The following MBNL1 variants were observed in gnomAD, a reference collection of about 807,000 sequenced individuals.
MBNL1 encodes muscleblind-like protein 1.
Under a neutral mutation model 42.2 loss-of-function variants are expected in MBNL1, and 8 were observed. That is an observed-to-expected ratio of 0.19 (90% CI 0.11 to 0.34). MBNL1 has a LOEUF of 0.34. Among genes scored for constraint, MBNL1 ranks in the 10% least tolerant of loss-of-function variants. The pLI, the probability that MBNL1 is intolerant of heterozygous loss-of-function variation, is 1.00. For missense variants in MBNL1, 309 were observed against 495.3 expected (o/e 0.62, Z 3.57); for synonymous variants, 169 against 173.9 (o/e 0.97, Z 0.22).
chr3:152,279,068 CTT>C (rs1374632993), intron 1 of MBNL1, among the ~76,000 whole-genome samples: 1 of 152,032 alleles, frequency 6.6e-6, no homozygotes, highest in Non-Finnish European at 1.5e-5. Flanking sequence ...ATTAAGCACT[CTT>C]TTCGGAATAT....
intron 2 of MBNL1, among the ~76,000 whole-genome samples, chr3:152,368,047 A>G (rs1023798545): frequency 1.3e-5 from 2 of 151,104 alleles, no homozygotes; most frequent in African/African-American, 2.4e-5. Flanking sequence ...ACAATTGTCA[A>G]TTTTGGCTTT....
At chr3:152,278,358 G>A (rs982279093) in intron 1 of MBNL1, among the ~76,000 whole-genome samples, 1 of 152,064 alleles carries the variant, frequency 6.6e-6, no homozygotes, top group Non-Finnish European at 1.5e-5. Context: ...AGTGAACGAC[G>A]GAGGATACAA....
At chr3:152,376,932 C>T (rs545997445) in intron 2 of MBNL1, among the ~76,000 whole-genome samples, 30 of 152,304 alleles carry the variant, frequency 2.0e-4, no homozygotes, top group Non-Finnish European at 4.3e-4. Flanking sequence ...CTCACTTCCT[C>T]TTTTCCCTTT....
At chr3:152,327,391 C>T (rs1012950276) in intron 2 of MBNL1, among the ~76,000 whole-genome samples, 2 of 151,928 alleles carry the variant, frequency 1.3e-5, no homozygotes, top group African/African-American at 2.4e-5. Flanking sequence ...CTCTGTCACT[C>T]AGGCTGAGTG....
chr3:152,311,310 GGCATTATTTTAT>G lies in MBNL1; in HGVS notation c.174+10944_174+10955del, dbSNP rs560925769. ...GCGTGAGCCACTGCGCCCAGCTCAA[GGCATTATTTTAT>G]AAGAGGCTGAGATTTTATTCATCTT... On this transcript the variant is annotated intron_variant, in intron 2 of 9. Coordinates refer to ENST00000324210, the MANE Select transcript of MBNL1 (RefSeq NM_021038.5). 6.1e-4 allele frequency among the ~76,000 whole-genome samples: 93 copies of G among 152,082 alleles called. No individual in the cohort carries two copies. The South Asian group carries it at 0.019, about 31-fold the overall frequency.
intron 2 of MBNL1, among the ~76,000 whole-genome samples, chr3:152,352,670 A>G (rs2095149912): frequency 6.6e-6 from 1 of 151,606 alleles, no homozygotes; most frequent in African/African-American, 2.4e-5. Flanking sequence ...TCCTCTGGGG[A>G]GTCTCCCTTG....
At chr3:152,271,859 T>G (rs1263145322) in intron 1 of MBNL1, among the ~76,000 whole-genome samples, 1 of 152,146 alleles carries the variant, frequency 6.6e-6, no homozygotes, top group African/African-American at 2.4e-5. Context: ...GTTGAGCACT[T>G]GAAATGTGTC....
At chr3:152,406,492 G>A (rs1273399917) in intron 2 of MBNL1, among the ~76,000 whole-genome samples, 1 of 152,176 alleles carries the variant, frequency 6.6e-6, no homozygotes, top group East Asian at 1.9e-4. Flanking sequence ...GAATGTGTGT[G>A]TGATTTGTTG....
At chr3:152,359,225 G>A (rs2095761333) in intron 2 of MBNL1, among the ~76,000 whole-genome samples, 1 of 152,152 alleles carries the variant, frequency 6.6e-6, no homozygotes, top group Non-Finnish European at 1.5e-5. Context: ...TAAGTTTCAA[G>A]TCATTTGATT....
chr3:152,460,211 G>A (rs1040028469), intron 9 of MBNL1, among the ~76,000 whole-genome samples: 39 of 150,910 alleles, frequency 2.6e-4, no homozygotes, highest in South Asian at 1.9e-3. Context: ...CTGTGATTGC[G>A]CCACTGCACT....
At chr3:152,348,176 A>G (rs1028238926) in intron 2 of MBNL1, among the ~76,000 whole-genome samples, 1 of 152,178 alleles carries the variant, frequency 6.6e-6, no homozygotes, top group Non-Finnish European at 1.5e-5. Context: ...GAGGAGAGAT[A>G]GGCAACAGAA....
chr3:152,290,880 T>G (rs1443783503), intron 1 of MBNL1, among the ~76,000 whole-genome samples: 3 of 152,182 alleles, frequency 2.0e-5, no homozygotes, highest in Non-Finnish European at 4.4e-5. Context: ...AGTTCTACAT[T>G]GACAGATTCG....
chr3:152,352,373 A>G (rs540267051), intron 2 of MBNL1, among the ~76,000 whole-genome samples: 1 of 152,318 alleles, frequency 6.6e-6, no homozygotes, highest in South Asian at 2.1e-4. Context: ...AGTCCCAGGA[A>G]AGCATGAGAA....
intron 1 of MBNL1, among the ~76,000 whole-genome samples, chr3:152,273,230 A>G (rs1053324694): frequency 6.6e-6 from 1 of 152,204 alleles, no homozygotes; most frequent in Non-Finnish European, 1.5e-5. Flanking sequence ...AAGAAGAGCT[A>G]TTGGCATATG....
intron 1 of MBNL1, among the ~76,000 whole-genome samples, chr3:152,295,863 C>T (rs1450475079): frequency 1.3e-5 from 2 of 152,170 alleles, no homozygotes; most frequent in Non-Finnish European, 2.9e-5. Context: ...AACTCCTCTC[C>T]AGGGGAGATA....
intron 6 of MBNL1, among the ~76,000 whole-genome samples, chr3:152,452,497 A>G (rs1725362933): frequency 6.6e-6 from 1 of 152,118 alleles, no homozygotes; most frequent in Non-Finnish European, 1.5e-5. Context: ...ACCGCTGCTC[A>G]CTGCTGATGT....
intron 8 of MBNL1, chr3:152,458,377 A>C: frequency 1.7e-6 from 1 of 581,756 alleles, no homozygotes; most frequent in African/African-American, 1.9e-5. Context: ...CAGCAACAAA[A>C]TGCCTTTGTG....
At position 152,462,687 on chromosome 3, in the gene MBNL1, C is replaced by G. The variant is rs1747967991; in HGVS notation, c.*321C>G. ...CAAAGATGCATACCTAGTTAGTTTCCTATATATTCATGCCATCTTGAAAAG... is the reference window on the plus strand; with the variant it reads ...CAAAGATGCATACCTAGTTAGTTTCGTATATATTCATGCCATCTTGAAAAG... On this transcript the variant is annotated 3_prime_UTR_variant, in exon 10 of 10. Transcript: ENST00000324210. 6.6e-6 allele frequency: 1 copy of G among 152,100 alleles called. No individual in the cohort carries two copies. The highest frequency in any genetic ancestry group is 2.4e-5 in the African/African-American group (1 of 41,416). 9.4% of individuals were successfully genotyped at this position (152,100 alleles called of 1,614,324 possible). A position where few individuals can be genotyped will look rare whatever the true frequency, so the allele number is the denominator to read the frequency against.
At chr3:152,441,531 T>G (rs2099145713) in intron 4 of MBNL1, among the ~76,000 whole-genome samples, 1 of 152,228 alleles carries the variant, frequency 6.6e-6, no homozygotes, top group Non-Finnish European at 1.5e-5. Context: ...TGCTATTTAG[T>G]TAACAAAAGA....
Sources: allele counts gnomAD v4.1 joint callset (sites outside exome capture counted in the v4.1 genomes callset), GRCh38; gene constraint gnomAD v4.1.1; transcripts MANE v1.5; gene names NCBI Gene and HGNC (gene_info 2026-07-23, HGNC 2026-07-21).